Variants in DOCK1 observed in about 807,000 individuals in gnomAD.
DOCK1 encodes dedicator of cytokinesis protein 1.
A neutral mutation model predicts 262.7 loss-of-function variants in DOCK1; 138 were observed. The ratio of observed to expected loss-of-function variants is 0.53; its 90% CI spans 0.46 to 0.61. The LOEUF (loss-of-function observed/expected upper bound fraction) is 0.61, where lower values mean the gene tolerates loss of function less well. Among genes scored for constraint, DOCK1 ranks in the 20% least tolerant of loss-of-function variants. The probability of loss-of-function intolerance (pLI) is 0.00; values close to 1 mark genes in which losing one functional copy is unlikely to be tolerated. For synonymous variants in DOCK1, 866 were observed against 867.4 expected, an observed-to-expected ratio of 1.00 and a Z score of 0.03; for missense variants, 1,908 against 2,370.7, an observed-to-expected ratio of 0.80 and a Z score of 4.05.
At position 127,410,987 on chromosome 10, in the gene DOCK1, T is replaced by G. The variant is rs1214771867; in HGVS notation, c.4428+63T>G. On this transcript the variant is annotated intron_variant, in intron 43 of 51. Coordinates refer to ENST00000623213, the MANE Select transcript of DOCK1 (RefSeq NM_001290223.2). ...AATATCATTCCGCCACCAGTAGAAC[T>G]GCCACTGGAGAAGCGTGGCCTCAGA... 3 of 1,534,404 alleles carry G rather than the reference T, an allele frequency of 2.0e-6. No homozygotes were observed. The Admixed American group carries it at 5.6e-5, about 29-fold the overall frequency.
chr10:127,247,837 C>G (rs1207615241), intron 27 of DOCK1, among the ~76,000 whole-genome samples, 171 bp from the exon 28 acceptor site: 6 of 152,178 alleles, frequency 3.9e-5, no homozygotes, highest in African/African-American at 1.4e-4. Flanking sequence ...GGAAGTGACC[C>G]ATGCCTTATG....
intron 6 of DOCK1, among the ~76,000 whole-genome samples, chr10:126,992,833 G>A (rs1371367627): frequency 2.0e-5 from 3 of 150,920 alleles, no homozygotes; most frequent in East Asian, 3.9e-4. Context: ...CAGGTGGGGA[G>A]GTCTCCCACC....
chr10:127,378,400 C>T (rs562580368), intron 35 of DOCK1, among the ~76,000 whole-genome samples: 22 of 152,184 alleles, frequency 1.4e-4, no homozygotes, highest in Non-Finnish European at 2.2e-4. Context: ...TGTCAGTCAG[C>T]GCTGGTGTGG....
intron 27 of DOCK1, among the ~76,000 whole-genome samples, chr10:127,236,974 T>C (rs2059091918): frequency 6.6e-6 from 1 of 152,176 alleles, no homozygotes; most frequent in Admixed American, 6.5e-5. Flanking sequence ...CTTGGTCAAG[T>C]GATTATTCCA....
intron 23 of DOCK1, among the ~76,000 whole-genome samples, chr10:127,102,461 C>A (rs2048307969): frequency 6.6e-6 from 1 of 152,188 alleles, no homozygotes; most frequent in Admixed American, 6.5e-5. Context: ...CACCAGCCTG[C>A]CATTCTTTCA....
At chr10:127,056,052 A>G (rs1326336298) in intron 22 of DOCK1, among the ~76,000 whole-genome samples, 1 of 152,182 alleles carries the variant, frequency 6.6e-6, no homozygotes, top group Non-Finnish European at 1.5e-5. Flanking sequence ...TGAGGACACA[A>G]AGTGGTCACA....
intron 48 of DOCK1, among the ~76,000 whole-genome samples, chr10:127,434,035 G>A (rs541879038): frequency 1.5e-4 from 23 of 151,882 alleles, no homozygotes; most frequent in Non-Finnish European, 1.6e-4. Context: ...TGTTGTGCCC[G>A]GACAGGAGCT....
intron 19 of DOCK1, among the ~76,000 whole-genome samples, chr10:127,041,426 C>T (rs2044005260): frequency 6.6e-6 from 1 of 152,214 alleles, no homozygotes; most frequent in Admixed American, 6.5e-5. Flanking sequence ...TGGCCGATAA[C>T]ATTCCATCAC....
At chr10:127,137,737 G>T in intron 27 of DOCK1, 2 of 1,112,996 alleles carry the variant, frequency 1.8e-6, no homozygotes, top group Non-Finnish European at 2.6e-6. Flanking sequence ...GTGCCTGAAT[G>T]GGCACCACAG....
At position 127,012,343 on chromosome 10, in the gene DOCK1, C is replaced by A; in HGVS notation, c.1170C>A (p.Ile390=). 6.2e-7 allele frequency: 1 copy of A among 1,613,964 alleles called. No homozygotes were observed. Among genetic ancestry groups the A allele is most frequent in the Non-Finnish European group, 8.5e-7 (1 of 1,179,884 alleles). ...DFLQTVINKV[I]AAKEVNHKGQ... Reference sequence around the variant, plus strand: ...TTCAGACTGTTATAAACAAAGTCATCGCTGCCAAAGAAGTCAACCACAAGG... The same window carrying A: ...TTCAGACTGTTATAAACAAAGTCATAGCTGCCAAAGAAGTCAACCACAAGG... The change falls in exon 12 of 52, where the codon ATC becomes ATA. Residue 390 remains isoleucine (I), a synonymous_variant. Transcript: ENST00000623213. This position sits in a 1 kb window ranked among gnomAD's most constrained non-coding sequence, Gnocchi z 4.0.
intron 27 of DOCK1, chr10:127,192,566 C>T (rs184338619): frequency 2.0e-5 from 3 of 152,264 alleles, no homozygotes; most frequent in East Asian, 1.9e-4. Context: ...GTCTAAAGCA[C>T]GTACGACTCA....
intron 25 of DOCK1, among the ~76,000 whole-genome samples, chr10:127,120,910 AGGC>A (rs1185346924): frequency 6.6e-6 from 1 of 152,146 alleles, no homozygotes; most frequent in East Asian, 1.9e-4. Flanking sequence ...CATTTGTTGT[AGGC>A]TCATATTTGC....
At chr10:127,279,393 A>G (rs538130630) in intron 29 of DOCK1, among the ~76,000 whole-genome samples, 27 of 152,336 alleles carry the variant, frequency 1.8e-4, no homozygotes, top group Non-Finnish European at 3.5e-4. Flanking sequence ...TTAGTATCTC[A>G]CACAAGGTCA....
In DOCK1 at chr10:127,381,338, C is replaced by A; in HGVS notation, c.3777C>A (p.Tyr1259Ter). Residue 1259 changes from tyrosine to a stop codon, truncating the protein, a stop_gained, in exon 37 of 52, where the codon TAC becomes TAA. Coordinates refer to ENST00000623213, the MANE Select transcript of DOCK1 (RefSeq NM_001290223.2). LOFTEE classifies it high-confidence loss of function. Reference protein sequence around the residue: ...KECDNYTEAAYTLLLHAKLLK... With the variant: ...KECDNYTEAA ...GTGATAACTACACCGAAGCGGCTTACACCTTGCTTCTCCATGCAAAGCTTC... is the reference window on the plus strand; with the variant it reads ...GTGATAACTACACCGAAGCGGCTTAAACCTTGCTTCTCCATGCAAAGCTTC... 6.2e-7 allele frequency: 1 copy of A among 1,612,668 alleles called. No individual in the cohort carries two copies. The highest frequency in any genetic ancestry group is 8.5e-7 in the Non-Finnish European group (1 of 1,179,034).
At chr10:127,213,699 G>T (rs552269329) in intron 27 of DOCK1, among the ~76,000 whole-genome samples, 5 of 152,184 alleles carry the variant, frequency 3.3e-5, no homozygotes, top group Admixed American at 6.5e-5. Flanking sequence ...TTTATTTTTT[G>T]TTAGGCTGCC....
At chr10:127,435,466 G>A (rs767244029) in intron 48 of DOCK1, among the ~76,000 whole-genome samples, 59 of 152,072 alleles carry the variant, frequency 3.9e-4, no homozygotes, top group African/African-American at 5.1e-4. Flanking sequence ...TTTTATCAGC[G>A]TCTGATATTT....
At chr10:127,232,880 C>T (rs1201710570) in intron 27 of DOCK1, among the ~76,000 whole-genome samples, 2 of 152,126 alleles carry the variant, frequency 1.3e-5, no homozygotes, top group African/African-American at 2.4e-5. Context: ...TACTACTTTG[C>T]GGATTTACCT....
rs981469810 is a variant in DOCK1 at position 127,437,576 on chromosome 10, T to C, written c.5061-1451T>C. ...TCACTGCAATTTCTACCTCCCAGGC[T>C]CAAGCCATCCTGCCACCTCAGCCTC... On this transcript the variant is annotated intron_variant, in intron 48 of 51. Coordinates refer to ENST00000623213, the MANE Select transcript of DOCK1 (RefSeq NM_001290223.2). This position sits in a 1 kb window ranked among gnomAD's most constrained non-coding sequence, Gnocchi z 4.4. Among the ~76,000 whole-genome samples the C allele has an allele frequency of 5.9e-5, 9 of 151,432 alleles. No homozygotes were observed. Among genetic ancestry groups the C allele is most frequent in the African/African-American group, 1.9e-4 (8 of 41,264 alleles).
At chr10:127,404,028 ACTT>A (rs1306959381) in intron 39 of DOCK1, among the ~76,000 whole-genome samples, 1 of 152,208 alleles carries the variant, frequency 6.6e-6, no homozygotes, top group Non-Finnish European at 1.5e-5. Flanking sequence ...TTTCTATGGC[ACTT>A]CTTTGGTTAT....
Sources: gnomAD v4.1 joint callset for allele counts (sites outside exome capture counted in the v4.1 genomes callset) on GRCh38, gnomAD v4.1.1 for gene constraint, Gnocchi (gnomAD v3.1) non-coding constraint, MANE v1.5 for transcripts, NCBI Gene and HGNC (gene_info 2026-07-23, HGNC 2026-07-21) for gene names.